Variants in GRID2 observed in about 807,000 individuals in gnomAD.
The protein encoded by GRID2 is glutamate ionotropic receptor delta type subunit 2.
GRID2 carries 33 observed loss-of-function variants against 114.8 expected under a neutral mutation model. That is an observed-to-expected ratio of 0.29 (90% confidence interval 0.22 to 0.38). The LOEUF is 0.38. GRID2 is among the 10% of genes least tolerant of loss of function. The probability of loss-of-function intolerance (pLI) is 1.00; values close to 1 mark genes in which losing one functional copy is unlikely to be tolerated. For missense variants in GRID2, 1,184 were observed against 1,257.7 expected, an observed-to-expected ratio of 0.94 and a Z score of 0.89; for synonymous variants, 505 against 449.9, an observed-to-expected ratio of 1.12 and a Z score of -1.55.
intron 2 of GRID2, among the ~76,000 whole-genome samples, chr4:92,955,688 G>A (rs1270269270): frequency 6.6e-6 from 1 of 152,054 alleles, no homozygotes; most frequent in Non-Finnish European, 1.5e-5. Flanking sequence ...TGAAGTCCTT[G>A]CCCATGCCTA....
intron 1 of GRID2, among the ~76,000 whole-genome samples, chr4:92,585,101 G>T (rs1728366486): frequency 6.6e-6 from 1 of 151,874 alleles, no homozygotes; most frequent in African/African-American, 2.4e-5. Flanking sequence ...CAGTGGCTTG[G>T]CTTTGATGGT....
chr4:93,532,269 C>T (rs1731524963), intron 13 of GRID2, among the ~76,000 whole-genome samples: 1 of 152,056 alleles, frequency 6.6e-6, no homozygotes. Flanking sequence ...AAATTAAGTG[C>T]TCTGTAGTGT....
At chr4:93,176,132 A>T (rs1004109407) in intron 4 of GRID2, among the ~76,000 whole-genome samples, 6 of 152,244 alleles carry the variant, frequency 3.9e-5, no homozygotes, top group Admixed American at 1.3e-4. Flanking sequence ...TCTGCCGATA[A>T]TGGAAATTGA....
chr4:92,930,266 G>A (rs1412154712), intron 2 of GRID2, among the ~76,000 whole-genome samples: 1 of 151,158 alleles, frequency 6.6e-6, no homozygotes, highest in African/African-American at 2.4e-5. Context: ...TTTCTAGCAT[G>A]GAACATTATT....
chr4:93,418,764 G>A (rs1767969912), intron 9 of GRID2, among the ~76,000 whole-genome samples: 2 of 152,024 alleles, frequency 1.3e-5, no homozygotes, highest in African/African-American at 4.8e-5. Flanking sequence ...TTATTTGAAG[G>A]AATCATGTTA....
chr4:93,605,479 T>A (rs1449044571), intron 13 of GRID2, among the ~76,000 whole-genome samples: 1 of 152,194 alleles, frequency 6.6e-6, no homozygotes, highest in Non-Finnish European at 1.5e-5. Context: ...TGGAACACTA[T>A]GTATAGTCTA....
intron 2 of GRID2, among the ~76,000 whole-genome samples, chr4:92,996,718 A>G (rs1362940861): frequency 6.6e-6 from 1 of 152,164 alleles, no homozygotes; most frequent in East Asian, 1.9e-4. Context: ...CAAGGTCTGA[A>G]ATGATAGTGT....
chr4:92,554,663 ATATTT>A (rs1726764112), intron 1 of GRID2, among the ~76,000 whole-genome samples: 1 of 152,194 alleles, frequency 6.6e-6, no homozygotes, highest in African/African-American at 2.4e-5. Context: ...CTTATGGGAA[ATATTT>A]TATTATAGTA....
rs539517586 is a variant in GRID2, at chr4:93,142,220, C to G, written c.735+31267C>G. ...GGAGCGGGACCCTATCTCAAACAAA[C>G]AAACAAAAAACCTACTTCTCTTTTA... is the stretch of plus-strand genomic sequence containing the variant. On this transcript the variant is annotated intron_variant, in intron 4 of 15. Transcript: ENST00000282020. 1.3e-4 allele frequency among the ~76,000 whole-genome samples: 20 copies of G among 152,150 alleles called. No individual in the cohort carries two copies. The South Asian group carries it at 3.9e-3, about 30-fold the overall frequency.
At chr4:92,741,611 A>T (rs1353897782) in intron 2 of GRID2, among the ~76,000 whole-genome samples, 1 of 152,100 alleles carries the variant, frequency 6.6e-6, no homozygotes, top group East Asian at 1.9e-4. Flanking sequence ...CTCATGTGGG[A>T]TTTCACCTAC....
intron 1 of GRID2, among the ~76,000 whole-genome samples, chr4:92,342,735 G>T (rs1727563917): frequency 1.3e-5 from 2 of 152,168 alleles, no homozygotes; most frequent in East Asian, 3.9e-4. Flanking sequence ...TCACTGTGAA[G>T]AAAAGCATAC....
intron 1 of GRID2, among the ~76,000 whole-genome samples, chr4:92,586,405 C>CA (rs990746189): frequency 2.7e-4 from 40 of 150,816 alleles, no homozygotes; most frequent in Admixed American, 1.5e-3. Context: ...TACACACACA[C>CA]AGACACCAAG....
At chr4:93,227,517 A>G (rs888714796) in intron 7 of GRID2, among the ~76,000 whole-genome samples, 2 of 152,060 alleles carry the variant, frequency 1.3e-5, no homozygotes, top group African/African-American at 2.4e-5. Context: ...GTGAGCCACC[A>G]TGCCTGTCCC....
intron 1 of GRID2, among the ~76,000 whole-genome samples, chr4:92,523,753 G>A (rs115618482): frequency 2.6e-4 from 40 of 152,106 alleles, no homozygotes; most frequent in African/African-American, 9.1e-4. Flanking sequence ...ACACAGAAGT[G>A]GGCTGTGTAC....
intron 2 of GRID2, among the ~76,000 whole-genome samples, chr4:92,926,246 C>T (rs932173508): frequency 1.3e-5 from 2 of 151,912 alleles, no homozygotes; most frequent in African/African-American, 4.8e-5. Flanking sequence ...AATTTCTTTT[C>T]TTCTTGTTAA....
chr4:93,693,693 A>G (rs1726764414), intron 14 of GRID2, among the ~76,000 whole-genome samples: 1 of 152,192 alleles, frequency 6.6e-6, no homozygotes, highest in Non-Finnish European at 1.5e-5. Flanking sequence ...GTATTGTTCT[A>G]TGAAACAAAC....
intron 8 of GRID2, among the ~76,000 whole-genome samples, chr4:93,286,696 T>C (rs76234819): frequency 8.3e-6 from 1 of 120,660 alleles, no homozygotes; most frequent in African/African-American, 3.9e-5. Flanking sequence ...TGTGTGGGGG[T>C]GTGTGTGTGT....
chr4:93,098,989 C>CTGTGTGTG (rs71579585), intron 3 of GRID2, among the ~76,000 whole-genome samples: 13,714 of 138,840 alleles, frequency 0.099, 756 homozygotes, highest in Admixed American at 0.15. Context: ...AGATCATTTC[C>CTGTGTGTG]TGTGTGTGTG....
intron 2 of GRID2, among the ~76,000 whole-genome samples, chr4:92,794,905 T>TATATATATATATACAC (rs745392261): frequency 6.3e-5 from 8 of 127,800 alleles, no homozygotes; most frequent in African/African-American, 2.2e-4. Context: ...TATATATATA[T>TATATATATATATACAC]ACACACACAC....
Sources: gnomAD v4.1 joint callset for allele counts (sites outside exome capture counted in the v4.1 genomes callset) on GRCh38, gnomAD v4.1.1 for gene constraint, MANE v1.5 for transcripts, NCBI Gene and HGNC (gene_info 2026-07-23, HGNC 2026-07-21) for gene names.